RFC3: variants seen among roughly 807,000 people sequenced by gnomAD.
RFC3 encodes the protein replication factor C subunit 3.
A neutral mutation model predicts 45.1 loss-of-function variants in RFC3; 41 were observed. That is an observed-to-expected ratio of 0.91 (90% CI 0.71 to 1.18). The LOEUF (loss-of-function observed/expected upper bound fraction) is 1.18. Among genes scored for constraint, RFC3 ranks in the 50% most tolerant of loss-of-function variants. RFC3 has a pLI of 0.00. For missense variants in RFC3, 423 were observed against 428.1 expected, an observed-to-expected ratio of 0.99 and a Z score of 0.10; for synonymous variants, 149 against 144.0, an observed-to-expected ratio of 1.03 and a Z score of -0.25.
intron 4 of RFC3, among the ~76,000 whole-genome samples, chr13:33,827,628 T>G (rs2082062731): frequency 1.3e-5 from 2 of 152,192 alleles, no homozygotes; most frequent in African/African-American, 4.8e-5. Flanking sequence ...TACCACCCAA[T>G]TACAGTTGAA....
At chr13:33,877,737 T>A (rs1298971200) in intron 8 of RFC3, among the ~76,000 whole-genome samples, 1 of 148,430 alleles carries the variant, frequency 6.7e-6, no homozygotes, top group African/African-American at 2.4e-5. Flanking sequence ...TAATATATGG[T>A]GCTTTGAATT....
chr13:33,861,275 T>C (rs750278609), intron 8 of RFC3, among the ~76,000 whole-genome samples: 2 of 152,192 alleles, frequency 1.3e-5, no homozygotes, highest in Non-Finnish European at 2.9e-5. Context: ...TTTAATAATA[T>C]CGGTAAAGTG....
chr13:33,873,387 A>G (rs533455517), intron 8 of RFC3, among the ~76,000 whole-genome samples: 1 of 152,324 alleles, frequency 6.6e-6, no homozygotes, highest in East Asian at 1.9e-4. Flanking sequence ...GGAAGATTAA[A>G]CTATTTCAAA....
downstream of RFC3, among the ~76,000 whole-genome samples, chr13:33,842,302 AAG>A (rs1491505007): frequency 1.3e-5 from 2 of 152,102 alleles, no homozygotes; most frequent in African/African-American, 4.8e-5. Flanking sequence ...AAAAAAAAAA[AAG>A]AAAAATCCAG....
the RFC3 span, among the ~76,000 whole-genome samples, chr13:33,975,891 AATG>A: frequency 1.9e-4 from 29 of 152,218 alleles, no homozygotes; most frequent in African/African-American, 7.0e-4. Context: ...GCCTAGAAGC[AATG>A]ATATTCTGGG....
At chr13:33,924,802 T>G (rs1171761993) in intron 8 of RFC3, among the ~76,000 whole-genome samples, 1 of 150,136 alleles carries the variant, frequency 6.7e-6, no homozygotes, top group Non-Finnish European at 1.5e-5. Flanking sequence ...TACAAACTTT[T>G]ATTTATAAGT....
intron 8 of RFC3, among the ~76,000 whole-genome samples, chr13:33,961,587 AT>A (rs1229162400): frequency 1.3e-5 from 2 of 152,216 alleles, no homozygotes; most frequent in Non-Finnish European, 1.5e-5. Flanking sequence ...AGAAAAACAT[AT>A]GGGCAGAGGC....
chr13:33,843,912 A>G (rs754045562), intron 8 of RFC3, among the ~76,000 whole-genome samples: 14 of 152,350 alleles, frequency 9.2e-5, no homozygotes, highest in Non-Finnish European at 2.1e-4. Context: ...CCTCATTTGT[A>G]TGCATCCTGT....
chr13:33,951,100 T>C (rs1001417329), intron 8 of RFC3, among the ~76,000 whole-genome samples: 2 of 150,390 alleles, frequency 1.3e-5, no homozygotes, highest in Non-Finnish European at 1.5e-5. Context: ...GAAAAGTTTT[T>C]GGTGGTAAAT....
intron 8 of RFC3, among the ~76,000 whole-genome samples, chr13:33,844,418 TC>T (rs1227069170): frequency 2.0e-5 from 3 of 152,300 alleles, no homozygotes; most frequent in East Asian, 3.9e-4. Context: ...AGTTGTTTTT[TC>T]TACTACCGTT....
At position 33,903,594 on chromosome 13, in the gene RFC3, A is replaced by T. The variant is rs1593680382; in HGVS notation, c.880-62493A>T. ...CTCCAGCAACCACTCTATGTACCCC[A>T]GATGTCCTCAATATTTTTCCCTGGA... On this transcript the variant is annotated intron_variant, in intron 8 of 8. Coordinates refer to the RFC3 transcript ENST00000434425. Among the ~76,000 whole-genome samples the T allele has an allele frequency of 2.0e-5, 3 of 152,228 alleles. No homozygotes were observed. In the South Asian group the frequency reaches 6.2e-4, roughly 32 times the overall value.
At chr13:33,871,041 G>A (rs559986408) in intron 8 of RFC3, among the ~76,000 whole-genome samples, 6 of 152,136 alleles carry the variant, frequency 3.9e-5, no homozygotes, top group African/African-American at 1.4e-4. Context: ...GGAGCCCTCT[G>A]GTATATGGTA....
chr13:33,923,255 G>A (rs983139980), intron 8 of RFC3, among the ~76,000 whole-genome samples: 57 of 152,112 alleles, frequency 3.7e-4, no homozygotes, highest in African/African-American at 1.3e-3. Context: ...AGAGACAGCC[G>A]ATCTTGCTAG....
At chr13:33,899,204 CAAA>C (rs59221382) in intron 8 of RFC3, among the ~76,000 whole-genome samples, 104 of 51,972 alleles carry the variant, frequency 2.0e-3, no homozygotes, top group African/African-American at 6.4e-3. Context: ...CACAATAAGA[CAAA>C]AAAAAAAAAA....
chr13:33,921,405 T>A (rs889085171), intron 8 of RFC3, among the ~76,000 whole-genome samples: 1 of 151,808 alleles, frequency 6.6e-6, no homozygotes, highest in African/African-American at 2.4e-5. Flanking sequence ...TTAGGGAGAG[T>A]GTTCCAAACC....
Position 33,821,197 on chromosome 13 carries a change from A to G in RFC3, c.153A>G (p.Arg51=). ...YGPSGAGKKT[R]IMCILRELYG... Reference sequence around the variant, plus strand: ...CATCAGGTGCTGGAAAAAAGACAAGAATTATGTGTATTCTACGTGAACTTT... The same window carrying G: ...CATCAGGTGCTGGAAAAAAGACAAGGATTATGTGTATTCTACGTGAACTTT... Residue 51 remains arginine, a synonymous_variant, in exon 2 of 9, where the codon AGA becomes AGG. Transcript: ENST00000380071. 6.2e-7 allele frequency: 1 copy of G among 1,613,682 alleles called. No individual in the cohort carries two copies. Among genetic ancestry groups the G allele is most frequent in the Non-Finnish European group, 8.5e-7 (1 of 1,179,704 alleles).
chr13:33,845,851 G>C (rs1226534038), intron 8 of RFC3, among the ~76,000 whole-genome samples: 1 of 152,172 alleles, frequency 6.6e-6, no homozygotes, highest in Non-Finnish European at 1.5e-5. Flanking sequence ...ATAGATGTAT[G>C]GACATTGAAG....
intron 8 of RFC3, among the ~76,000 whole-genome samples, chr13:33,957,712 C>T (rs2083030594): frequency 6.6e-6 from 1 of 152,140 alleles, no homozygotes; most frequent in Non-Finnish European, 1.5e-5. Context: ...AGCGCAAGCC[C>T]ACTGCATTGA....
At chr13:33,944,841 G>A (rs193195684) in intron 8 of RFC3, among the ~76,000 whole-genome samples, 127 of 152,144 alleles carry the variant, frequency 8.3e-4, no homozygotes, top group Admixed American at 1.8e-3. Context: ...AACAGTGGGG[G>A]CAAATGCAAC....
Sources: allele counts gnomAD v4.1 joint callset (sites outside exome capture counted in the v4.1 genomes callset), GRCh38; gene constraint gnomAD v4.1.1; transcripts MANE v1.5; gene names NCBI Gene and HGNC (gene_info 2026-07-23, HGNC 2026-07-21).